Variants in NRXN1 observed in about 807,000 individuals in gnomAD.
The protein encoded by NRXN1 is neurexin 1.
In NRXN1, 39 loss-of-function variants were observed where a neutral mutation model predicts 150.9. That is an observed-to-expected ratio of 0.26 (90% CI 0.20 to 0.34). The LOEUF is 0.34. Ranked by LOEUF, NRXN1 falls within the 10% of genes least tolerant of loss-of-function variation. The pLI is 1.00. For missense variants in NRXN1, 1,815 were observed against 1,949.9 expected, an observed-to-expected ratio of 0.93 and a Z score of 1.30; for synonymous variants, 924 against 757.0, an observed-to-expected ratio of 1.22 and a Z score of -3.62.
intron 5 of NRXN1, among the ~76,000 whole-genome samples, chr2:50,800,602 C>G (rs1010695692): frequency 6.6e-6 from 1 of 151,930 alleles, no homozygotes; most frequent in Non-Finnish European, 1.5e-5. Context: ...CAGAATGGAG[C>G]ACAATGGCGC....
At chr2:50,542,489 C>T (rs2093413758) in intron 9 of NRXN1, among the ~76,000 whole-genome samples, 2 of 152,126 alleles carry the variant, frequency 1.3e-5, no homozygotes, top group South Asian at 2.1e-4. Context: ...AAACAGACAT[C>T]ATAGGATGAA....
intron 21 of NRXN1, among the ~76,000 whole-genome samples, chr2:49,952,975 T>C (rs1399526044): frequency 1.3e-5 from 2 of 152,132 alleles, no homozygotes; most frequent in East Asian, 3.9e-4. Context: ...CTCAGTCTTA[T>C]TGACACAATG....
chr2:50,107,352 C>A (rs1463292489), intron 18 of NRXN1, among the ~76,000 whole-genome samples: 1 of 150,892 alleles, frequency 6.6e-6, no homozygotes, highest in Admixed American at 6.6e-5. Context: ...GACTATTCAA[C>A]TGGAAATTGT....
chr2:50,741,227 C>T (rs1476965955), intron 5 of NRXN1, among the ~76,000 whole-genome samples: 3 of 152,036 alleles, frequency 2.0e-5, no homozygotes, highest in Admixed American at 2.0e-4. Flanking sequence ...ATTCCTCCTG[C>T]CAAATAATAA....
chr2:50,344,696 A>C (rs1334007970), intron 17 of NRXN1, among the ~76,000 whole-genome samples: 1 of 152,218 alleles, frequency 6.6e-6, no homozygotes, highest in Non-Finnish European at 1.5e-5. Flanking sequence ...CTGGGGCAGA[A>C]GCTTGCAGCG....
intron 17 of NRXN1, among the ~76,000 whole-genome samples, chr2:50,254,036 T>C: frequency 6.6e-6 from 1 of 151,984 alleles, no homozygotes; most frequent in South Asian, 2.1e-4. Context: ...TGTAATTCCA[T>C]CTGGTCCTGG....
chr2:50,297,916 A>T (rs2152951936), intron 17 of NRXN1, among the ~76,000 whole-genome samples: 1 of 152,260 alleles, frequency 6.6e-6, no homozygotes, highest in South Asian at 2.1e-4. Flanking sequence ...GGATTAGATA[A>T]AACAAAATCC....
In NRXN1 at chr2:50,053,133, T is replaced by C. The variant is rs954827793; in HGVS notation, c.4128+138A>G. ...TTTCATATTCAAACGGAATGCATTA[T>C]GTTAAGCTAGTTTCAAAGGAAGCTG... On this transcript the variant is annotated intron_variant, in intron 21 of 22. Coordinates refer to ENST00000401669, the MANE Select transcript of NRXN1 (RefSeq NM_001330078.2). 41 of 814,168 alleles carry C rather than the reference T, an allele frequency of 5.0e-5. 1 individual carries two copies. The East Asian group carries it at 9.1e-4, about 18-fold the overall frequency. 50.4% of individuals were successfully genotyped at this position (814,168 alleles called of 1,614,324 possible).
intron 19 of NRXN1, among the ~76,000 whole-genome samples, chr2:50,074,307 C>A (rs1247781627): frequency 6.6e-6 from 1 of 151,828 alleles, no homozygotes; most frequent in Non-Finnish European, 1.5e-5. Context: ...GAAGAGTTCC[C>A]AATTTAAATC....
intron 2 of NRXN1, among the ~76,000 whole-genome samples, chr2:50,955,069 A>ATC (rs372576613): frequency 6.6e-6 from 1 of 151,724 alleles, no homozygotes; most frequent in African/African-American, 2.4e-5. Flanking sequence ...ATTTCTACTC[A>ATC]TCTCTCTCTC....
intron 22 of NRXN1, among the ~76,000 whole-genome samples, chr2:49,925,517 A>G (rs938289324): frequency 9.2e-5 from 14 of 152,058 alleles, no homozygotes; most frequent in African/African-American, 3.1e-4. Flanking sequence ...GTCTTTTTAT[A>G]TAATTTGTTC....
chr2:50,329,935 G>A lies in NRXN1; in HGVS notation c.3365-92965C>T, dbSNP rs543303215. 2.6e-3 allele frequency among the ~76,000 whole-genome samples: 392 copies of A among 151,624 alleles called. 3 individuals are homozygous for A. Among genetic ancestry groups the A allele is most frequent in the Non-Finnish European group, 4.2e-3 (286 of 67,896 alleles). On this transcript the variant is annotated intron_variant, in intron 17 of 22. Coordinates refer to ENST00000401669, the MANE Select transcript of NRXN1 (RefSeq NM_001330078.2). ...GACCCACCCGCCTCGGCCTCCAAAA[G>A]TGCTGGGATTACAGGCGTGAGCCAC...
intron 13 of NRXN1, among the ~76,000 whole-genome samples, chr2:50,500,903 C>T (rs1573276902): frequency 2.6e-5 from 4 of 152,068 alleles, no homozygotes; most frequent in Non-Finnish European, 5.9e-5. Flanking sequence ...TATATGTGTC[C>T]GGTGCTAGCC....
At chr2:50,895,878 C>T (rs1681868696) in intron 5 of NRXN1, among the ~76,000 whole-genome samples, 1 of 152,052 alleles carries the variant, frequency 6.6e-6, no homozygotes, top group South Asian at 2.1e-4. Flanking sequence ...CCGTGCCTGG[C>T]CTATGCAAGA....
chr2:50,274,193 G>C (rs1044243053), intron 17 of NRXN1, among the ~76,000 whole-genome samples: 4 of 150,568 alleles, frequency 2.7e-5, no homozygotes, highest in African/African-American at 9.7e-5. Flanking sequence ...ATACTATGCA[G>C]CCATAAAAAA....
chr2:50,881,405 T>C (rs1435682728), intron 5 of NRXN1, among the ~76,000 whole-genome samples: 5 of 151,980 alleles, frequency 3.3e-5, no homozygotes, highest in Non-Finnish European at 7.4e-5. Flanking sequence ...GCATGGTCAA[T>C]GTTATTCGGC....
chr2:50,748,872 T>G (rs1420188493), intron 5 of NRXN1, among the ~76,000 whole-genome samples: 1 of 152,052 alleles, frequency 6.6e-6, no homozygotes, highest in Non-Finnish European at 1.5e-5. Flanking sequence ...CTACTGTCAG[T>G]GAGTGTCTGG....
rs148152184 is a variant in NRXN1, at chr2:50,098,269, T to G, written c.3547-6775A>C. Among the ~76,000 whole-genome samples, 648 of 152,256 alleles carry G rather than the reference T, an allele frequency of 4.3e-3. 1 individual carries two copies. The highest frequency in any genetic ancestry group is 0.017 in the Middle Eastern group (5 of 294). ...AAAACAGGTAAAGTCTGTTTTCTGC[T>G]CCTGGGAAAACTTTCAATCAAATTG... On this transcript the variant is annotated intron_variant, in intron 18 of 22. Transcript: ENST00000401669.
chr2:50,053,877 A>G (rs1693185966), intron 20 of NRXN1, among the ~76,000 whole-genome samples: 1 of 152,206 alleles, frequency 6.6e-6, no homozygotes, highest in African/African-American at 2.4e-5. Context: ...TCCCTTTTAC[A>G]TCAAGATCTT....
Sources: gnomAD v4.1 joint callset for allele counts (sites outside exome capture counted in the v4.1 genomes callset) on GRCh38, gnomAD v4.1.1 for gene constraint, MANE v1.5 for transcripts, NCBI Gene and HGNC (gene_info 2026-07-23, HGNC 2026-07-21) for gene names.